The following PLA2G4A variants were observed in gnomAD, a reference collection of about 807,000 sequenced individuals.
PLA2G4A encodes cytosolic phospholipase A2.
A neutral mutation model predicts 81.9 loss-of-function variants in PLA2G4A; 40 were observed. The observed-to-expected ratio is 0.49, with a 90% CI of 0.38 to 0.64. The LOEUF (loss-of-function observed/expected upper bound fraction) is 0.64, where lower values mean the gene tolerates loss of function less well. Ranked by LOEUF, PLA2G4A falls within the 30% of genes least tolerant of loss-of-function variation. PLA2G4A has a pLI of 0.00. For synonymous variants in PLA2G4A, 302 were observed against 296.9 expected, an observed-to-expected ratio of 1.02 and a Z score of -0.18; for missense variants, 715 against 905.1, an observed-to-expected ratio of 0.79 and a Z score of 2.69.
chr1:186,926,330 CA>C (rs1280922866), intron 7 of PLA2G4A, among the ~76,000 whole-genome samples: 5 of 151,990 alleles, frequency 3.3e-5, no homozygotes, highest in Admixed American at 6.6e-5. Context: ...GGCTATCCTT[CA>C]AAAAAATATT....
Position 186,939,087 on chromosome 1 carries a change from G to T in PLA2G4A, c.775G>T (p.Val259Phe). 1.9e-6 allele frequency: 3 copies of T among 1,610,892 alleles called. No homozygotes were observed. Among genetic ancestry groups the T allele is most frequent in the Non-Finnish European group, 2.5e-6 (3 of 1,177,182 alleles). ...GATTAATGAAGAACTAATGAAAAATGTTAGCCACAATCCCCTTTTACTTCT... is the reference window on the plus strand; with the variant it reads ...GATTAATGAAGAACTAATGAAAAATTTTAGCCACAATCCCCTTTTACTTCT... ...EEINEELMKNVSHNPLLLLTP... is the reference protein window; with the variant it reads ...EEINEELMKNFSHNPLLLLTP... Residue 259 changes from valine (V) to phenylalanine (F), a missense_variant, in exon 9 of 18, where the codon GTT (valine) becomes TTT (phenylalanine). Physicochemically the swap from Val to Phe is conservative, Grantham distance 50. Coordinates refer to ENST00000367466, the MANE Select transcript of PLA2G4A (RefSeq NM_024420.3).
intron 6 of PLA2G4A, 96 bp from the exon 7 acceptor site, chr1:186,911,152 A>T: frequency 1.1e-6 from 1 of 933,694 alleles, no homozygotes; most frequent in South Asian, 1.3e-5. Flanking sequence ...GTCAGCATAT[A>T]TCAGTGTAGC....
chr1:186,859,075 A>G (rs1368005586), intron 2 of PLA2G4A, among the ~76,000 whole-genome samples: 1 of 152,178 alleles, frequency 6.6e-6, no homozygotes, highest in African/African-American at 2.4e-5. Context: ...CCAGCTTACT[A>G]TTAATAGTAA....
intron 4 of PLA2G4A, among the ~76,000 whole-genome samples, chr1:186,893,572 T>A (rs1332240432): frequency 6.6e-6 from 1 of 152,156 alleles, no homozygotes; most frequent in Non-Finnish European, 1.5e-5. Context: ...GAAAACATGA[T>A]AATTGAATAA....
At chr1:186,845,938 GA>G (rs1170059149) in intron 1 of PLA2G4A, among the ~76,000 whole-genome samples, 3 of 152,072 alleles carry the variant, frequency 2.0e-5, no homozygotes, top group African/African-American at 7.2e-5. Flanking sequence ...AAGAAAGGAA[GA>G]AAAAAACCCT....
Position 186,964,715 on chromosome 1 carries a change from C to G in PLA2G4A, c.1580-694C>G, listed in dbSNP as rs12720661. Among the ~76,000 whole-genome samples, 4 of 152,236 alleles carry G rather than the reference C, an allele frequency of 2.6e-5. No homozygotes were observed. In the East Asian group the frequency reaches 7.7e-4, roughly 29 times the overall value. On this transcript the variant is annotated intron_variant, in intron 14 of 17. Coordinates refer to ENST00000367466, the MANE Select transcript of PLA2G4A (RefSeq NM_024420.3). ...CATTTATCACGTTATGAAGTGCCCT[C>G]TTGATACATTTATTTACTTATTGGA... is the stretch of plus-strand genomic sequence containing the variant.
At chr1:186,963,872 C>T (rs1482342800) in intron 14 of PLA2G4A, among the ~76,000 whole-genome samples, 1 of 152,148 alleles carries the variant, frequency 6.6e-6, no homozygotes, top group African/African-American at 2.4e-5. Context: ...ATGACTGTCT[C>T]ATTGGTGTTT....
intron 1 of PLA2G4A, among the ~76,000 whole-genome samples, chr1:186,837,455 C>A (rs1051196607): frequency 2.6e-5 from 4 of 151,890 alleles, no homozygotes; most frequent in African/African-American, 9.7e-5. Context: ...TTGGGCCAGG[C>A]TCAGTGGCTC....
intron 1 of PLA2G4A, among the ~76,000 whole-genome samples, chr1:186,845,474 TAGAGAA>T (rs1302650064): frequency 1.3e-5 from 2 of 152,102 alleles, no homozygotes; most frequent in African/African-American, 4.8e-5. Flanking sequence ...ATCCCACAGA[TAGAGAA>T]AGGAGGAGAC....
chr1:186,902,284 T>A (rs1028649349), intron 5 of PLA2G4A, among the ~76,000 whole-genome samples: 1 of 152,184 alleles, frequency 6.6e-6, no homozygotes, highest in African/African-American at 2.4e-5. Context: ...ATGCAGTACA[T>A]GACTGTATAT....
intron 3 of PLA2G4A, among the ~76,000 whole-genome samples, chr1:186,890,092 T>C (rs1654082123): frequency 6.6e-6 from 1 of 152,268 alleles, no homozygotes; most frequent in Non-Finnish European, 1.5e-5. Context: ...GTGTGTAAAG[T>C]ACTTAACACA....
In PLA2G4A at chr1:186,976,234, C is replaced by T. The variant is rs1163855355; in HGVS notation, c.1765-1359C>T. ...GAACCTAGTCGACCACTATTGATTG[C>T]TGTGGAATGGATCAACGAGATGACA... On this transcript the variant is annotated intron_variant, in intron 15 of 17. Coordinates refer to ENST00000367466, the MANE Select transcript of PLA2G4A (RefSeq NM_024420.3). 2.0e-5 allele frequency among the ~76,000 whole-genome samples: 3 copies of T among 152,168 alleles called. No individual in the cohort carries two copies. In the East Asian group the frequency reaches 5.8e-4, roughly 29 times the overall value.
At chr1:186,911,205 A>G in intron 6 of PLA2G4A, 43 bp from the exon 7 acceptor site, 1 of 1,590,278 alleles carries the variant, frequency 6.3e-7, no homozygotes. Flanking sequence ...AAACCAGACC[A>G]CTGGGAGCAC....
At chr1:186,892,843 T>C (rs555479194) in intron 3 of PLA2G4A, among the ~76,000 whole-genome samples, 168 bp from the exon 4 acceptor site, 6 of 152,350 alleles carry the variant, frequency 3.9e-5, no homozygotes, top group Admixed American at 3.3e-4. Context: ...ATGTAAAAAG[T>C]ATCTACCCTA....
At chr1:186,963,170 C>A (rs1209790242) in intron 14 of PLA2G4A, among the ~76,000 whole-genome samples, 3 of 151,892 alleles carry the variant, frequency 2.0e-5, no homozygotes, top group African/African-American at 7.3e-5. Flanking sequence ...TGTAAGTAAC[C>A]AACTAATGAA....
At chr1:186,889,520 G>A (rs1271324748) in intron 3 of PLA2G4A, among the ~76,000 whole-genome samples, 1 of 152,140 alleles carries the variant, frequency 6.6e-6, no homozygotes, top group Non-Finnish European at 1.5e-5. Flanking sequence ...TACCTTGTTT[G>A]TAGATCCTCC....
At chr1:186,858,080 T>C (rs2102035451) in intron 2 of PLA2G4A, among the ~76,000 whole-genome samples, 1 of 152,266 alleles carries the variant, frequency 6.6e-6, no homozygotes, top group Non-Finnish European at 1.5e-5. Flanking sequence ...TGTGCATGTG[T>C]CTTTATAGTA....
At chr1:186,940,206 T>C in intron 10 of PLA2G4A, 112 bp downstream of exon 10, 1 of 728,276 alleles carries the variant, frequency 1.4e-6, no homozygotes, top group Non-Finnish European at 2.5e-6. Flanking sequence ...TTAATGTATT[T>C]TCTGTAACAT....
Position 186,946,755 on chromosome 1 carries a change from C to T in PLA2G4A, c.1152C>T (p.Asn384=), listed in dbSNP as rs1455560742. 5.0e-6 allele frequency: 8 copies of T among 1,611,718 alleles called. No homozygotes were observed. Among genetic ancestry groups the T allele is most frequent in the Non-Finnish European group, 6.8e-6 (8 of 1,178,302 alleles). ...MGTVVKKYEE[N]PLHFLMGVWG... is the part of the protein sequence containing the mutation. ...CAGTCGTTAAGAAGTATGAAGAAAA[C>T]CCCTTGCATTTCTTAATGGGTAAGT... Residue 384 remains asparagine, a synonymous_variant, in exon 11 of 18, where the codon AAC becomes AAT. Transcript: ENST00000367466.
Sources: gnomAD v4.1 joint callset for allele counts (sites outside exome capture counted in the v4.1 genomes callset) on GRCh38, gnomAD v4.1.1 for gene constraint, MANE v1.5 for transcripts, NCBI Gene and HGNC (gene_info 2026-07-23, HGNC 2026-07-21) for gene names.